BOD1L1: variants seen among roughly 807,000 people sequenced by gnomAD.
BOD1L1 encodes the protein biorientation of chromosomes in cell division protein 1-like 1.
Under a neutral mutation model 240.7 loss-of-function variants are expected in BOD1L1, and 86 were observed. That is an observed-to-expected ratio of 0.36 (90% CI 0.30 to 0.43). BOD1L1 has a LOEUF of 0.43. BOD1L1 is among the 20% of genes least tolerant of loss of function. The pLI is 1.00. For missense variants in BOD1L1, 3,554 were observed against 3,643.5 expected, an observed-to-expected ratio of 0.98 and a Z score of 0.63; for synonymous variants, 1,268 against 1,272.3, an observed-to-expected ratio of 1.00 and a Z score of 0.07.
At chr4:13,615,643 T>C (rs747572338) in intron 2 of BOD1L1, 141 bp from the exon 3 acceptor site, 13 of 799,460 alleles carry the variant, frequency 1.6e-5, no homozygotes, top group Admixed American at 9.5e-5. Flanking sequence ...TACTTGGATA[T>C]AGACAATGGA....
Position 13,615,205 on chromosome 4 carries a change from T to C in BOD1L1, c.559+107A>G, listed in dbSNP as rs560124843. The C allele has an allele frequency of 5.9e-5, 68 of 1,156,560 alleles. 1 individual carries two copies. The highest frequency in any genetic ancestry group is 4.1e-4 in the South Asian group (23 of 55,748). 71.6% of individuals were successfully genotyped at this position (1,156,560 alleles called of 1,614,324 possible). ...AGGTGATATTTAAAGTACAATTTCA[T>C]TGGAATAGCCAAATTAAAAAATGTG... On this transcript the variant is annotated intron_variant, in intron 3 of 25. Coordinates refer to ENST00000040738, the MANE Select transcript of BOD1L1 (RefSeq NM_148894.3).
intron 1 of BOD1L1, chr4:13,625,387 T>C (rs989509481): frequency 2.6e-5 from 4 of 152,202 alleles, no homozygotes; most frequent in Non-Finnish European, 5.9e-5. Flanking sequence ...TAACTTTCAT[T>C]AGATGATCAG....
chr4:13,589,535 T>C (rs555775125), intron 14 of BOD1L1, among the ~76,000 whole-genome samples: 5 of 152,346 alleles, frequency 3.3e-5, no homozygotes, highest in African/African-American at 1.2e-4. Context: ...GGAGGGTTTA[T>C]GTAACGTGAG....
intron 2 of BOD1L1, among the ~76,000 whole-genome samples, chr4:13,616,339 G>C (rs1716592687): frequency 6.6e-6 from 1 of 152,148 alleles, no homozygotes; most frequent in African/African-American, 2.4e-5. Flanking sequence ...GCTTCATAAA[G>C]GAGAAGACAT....
Position 13,601,041 on chromosome 4 carries a change from A to C in BOD1L1, c.5859T>G (p.Ile1953Met). The change falls in exon 10 of 26, where the codon ATT becomes ATG. Residue 1953 changes from isoleucine to methionine, a missense_variant. By Grantham distance (10) the Ile-to-Met change is conservative. Transcript: ENST00000040738. ...CTGCACTGGTCACACTGCTTTCTAC[A>C]ATCCCTTTTGCACTGGAGCAGATAT... ...DTDICSSAKG[I>M]VESSVTSAVS... The C allele has an allele frequency of 6.2e-7, 1 of 1,613,874 alleles. No homozygotes were observed. The highest frequency in any genetic ancestry group is 8.5e-7 in the Non-Finnish European group (1 of 1,179,870).
chr4:13,627,221 C>T, intron 1 of BOD1L1, 124 bp downstream of exon 1: 1 of 395,138 alleles, frequency 2.5e-6, no homozygotes, highest in South Asian at 1.1e-4. Context: ...AAGGAATGAA[C>T]ACTCTGTGCT....
chr4:13,570,034 G>A lies in BOD1L1; in HGVS notation c.9133C>T (p.Pro3045Ser). The A allele has an allele frequency of 6.2e-7, 1 of 1,603,042 alleles. No homozygotes were observed. The highest frequency in any genetic ancestry group is 2.3e-5 in the East Asian group (1 of 44,008). The change falls in exon 26 of 26, where the codon CCT (proline) becomes TCT (serine). Residue 3045 changes from proline (P) to serine (S), a missense_variant. Physicochemically the swap from Pro to Ser is moderately conservative, Grantham distance 74. This residue lies in a region of BOD1L1 where 3,393 missense variants were observed against 3,427.1 expected (regional missense o/e 0.99). Coordinates refer to ENST00000040738, the MANE Select transcript of BOD1L1 (RefSeq NM_148894.3). ...TRGQQRVEEA[P>S]VKKAKR ...GATTATCGCTTCGCTTTTTTCACAG[G>A]GGCTTCCTCCACCCTTTGCTGGCCT... is the stretch of plus-strand genomic sequence containing the variant.
At chr4:13,592,231 G>A in intron 12 of BOD1L1, 2 of 370,452 alleles carry the variant, frequency 5.4e-6, no homozygotes, top group East Asian at 4.6e-5. Context: ...ACATCACTAT[G>A]GTGATTTAAC....
intron 6 of BOD1L1, among the ~76,000 whole-genome samples, 151 bp from the exon 7 acceptor site, chr4:13,609,557 C>T (rs1441818659): frequency 6.6e-6 from 1 of 152,080 alleles, no homozygotes; most frequent in East Asian, 1.9e-4. Flanking sequence ...TATATATACA[C>T]ACATTTATCT....
chr4:13,619,888 G>T lies in BOD1L1; in HGVS notation c.368+55C>A, dbSNP rs1716911956. On this transcript the variant is annotated intron_variant, in intron 2 of 25. Coordinates refer to ENST00000040738, the MANE Select transcript of BOD1L1 (RefSeq NM_148894.3). ...ATGTATGTAATGCCTCCGCTTTCAG[G>T]CAAAGTAGGTTAGGACATTTAAAAC... 8 of 1,573,234 alleles carry T rather than the reference G, an allele frequency of 5.1e-6. No individual in the cohort carries two copies. The Admixed American group carries it at 5.4e-5, about 11-fold the overall frequency.
chr4:13,603,551 G>A lies in BOD1L1; in HGVS notation c.3349C>T (p.Gln1117Ter). Residue 1117 changes from glutamine to a stop codon, truncating the protein, a stop_gained, in exon 10 of 26, where the codon CAA becomes TAA. Coordinates refer to ENST00000040738, the MANE Select transcript of BOD1L1 (RefSeq NM_148894.3). LOFTEE classifies it high-confidence loss of function. ...TCAGAATCAATTTCCATTGGCTCTT[G>A]TTCAGGGATCAATGTCATATCACCA... Reference protein sequence around the residue: ...KSGDMTLIPEQEPMEIDSEPG... With the variant: ...KSGDMTLIPE 6.2e-7 allele frequency: 1 copy of A among 1,613,992 alleles called. No homozygotes were observed.
At chr4:13,607,851 A>T (rs1285154725) in intron 8 of BOD1L1, among the ~76,000 whole-genome samples, 1 of 152,226 alleles carries the variant, frequency 6.6e-6, no homozygotes, top group Non-Finnish European at 1.5e-5. Context: ...ATTCAGATCA[A>T]TAAGGATGAG....
chr4:13,600,073 T>C lies in BOD1L1; in HGVS notation c.6827A>G (p.Glu2276Gly), dbSNP rs1714983085. ...CGCTGGTGTGACTGAGGGGTCGCCT[T>C]CCTCTTGAGGGACAGCACTGGACAC... ...GPVSSAVPQE[E>G]GDPSVTPAEE... is the part of the protein sequence containing the mutation. Residue 2276 changes from glutamate to glycine, a missense_variant, in exon 10 of 26, where the codon GAA becomes GGA. By Grantham distance (98) the Glu-to-Gly change is moderately conservative. Transcript: ENST00000040738. The C allele has an allele frequency of 6.2e-7, 1 of 1,613,214 alleles. No homozygotes were observed. Among genetic ancestry groups the C allele is most frequent in the Admixed American group, 1.7e-5 (1 of 59,906 alleles).
intron 13 of BOD1L1, among the ~76,000 whole-genome samples, chr4:13,590,670 C>T (rs1714132184): frequency 6.6e-6 from 1 of 152,108 alleles, no homozygotes; most frequent in Non-Finnish European, 1.5e-5. Context: ...TTCTGCCTGT[C>T]CTTAAAGCAG....
chr4:13,622,599 A>G (rs958860169), intron 1 of BOD1L1, among the ~76,000 whole-genome samples: 13 of 152,162 alleles, frequency 8.5e-5, no homozygotes, highest in Non-Finnish European at 1.6e-4. Flanking sequence ...GCATGAAAAT[A>G]CACCCAGAAT....
intron 17 of BOD1L1, 104 bp downstream of exon 17, chr4:13,586,292 A>C (rs2108904111): frequency 1.9e-6 from 1 of 538,782 alleles, no homozygotes; most frequent in Non-Finnish European, 3.2e-6. Context: ...ACATTTAAAG[A>C]GGGATAGTAA....
At chr4:13,575,895 C>CTTTTTT (rs35101769) in intron 25 of BOD1L1, among the ~76,000 whole-genome samples, 5 of 119,256 alleles carry the variant, frequency 4.2e-5, no homozygotes, top group South Asian at 2.7e-4. Flanking sequence ...TTGCCAAACC[C>CTTTTTT]TTTTTTTTTT....
Position 13,601,802 on chromosome 4 carries a change from C to G in BOD1L1, c.5098G>C (p.Gly1700Arg). 1.9e-6 allele frequency: 3 copies of G among 1,613,984 alleles called. No homozygotes were observed. The highest frequency in any genetic ancestry group is 2.5e-6 in the Non-Finnish European group (3 of 1,179,898). The change falls in exon 10 of 26, where the codon GGA (glycine) becomes CGA (arginine). Residue 1700 changes from glycine (G) to arginine (R), a missense_variant. By Grantham distance (125) the Gly-to-Arg change is moderately radical. This residue lies in a region of BOD1L1 where 3,393 missense variants were observed against 3,427.1 expected (regional missense o/e 0.99). Transcript: ENST00000040738. ...TCCACCTCTTCACTGCTTATAGATCCTGCTCTTATCTCTGTTCCAGCACTT... is the reference window on the plus strand; with the variant it reads ...TCCACCTCTTCACTGCTTATAGATCGTGCTCTTATCTCTGTTCCAGCACTT... ...VTSAGTEIRAGSISSEEVDGS... is the reference protein window; with the variant it reads ...VTSAGTEIRARSISSEEVDGS...
rs1715586993 is a variant in BOD1L1 at position 13,605,084 on chromosome 4, G to A, written c.1816C>T (p.His606Tyr). The change falls in exon 10 of 26, where the codon CAT becomes TAT. Residue 606 changes from histidine (H) to tyrosine (Y), a missense_variant and splice_region_variant. His to Tyr is a moderately conservative substitution (Grantham distance 83). Transcript: ENST00000040738. ...DSKETLKTSE[H>Y]CEKEKISSSK... The stretch of plus-strand genomic sequence containing the variant: ...GAAGAAATTTTTTCCTTTTCACAAT[G>A]CTGAAAGAAAACAAAGGTTAAAATA... The A allele has an allele frequency of 3.3e-6, 5 of 1,531,116 alleles. No homozygotes were observed. The Admixed American group carries it at 1.2e-4, about 37-fold the overall frequency. 94.8% of individuals were successfully genotyped at this position (1,531,116 alleles called of 1,614,324 possible).
Sources: allele counts gnomAD v4.1 joint callset (sites outside exome capture counted in the v4.1 genomes callset), GRCh38; gene constraint gnomAD v4.1.1; regional missense constraint gnomAD v4.1.1; transcripts MANE v1.5; gene names NCBI Gene and HGNC (gene_info 2026-07-23, HGNC 2026-07-21).